TSNARE1: variants seen among roughly 807,000 people sequenced by gnomAD.
TSNARE1 encodes the protein t-SNARE domain-containing protein 1.
In TSNARE1, 49 loss-of-function variants were observed where a neutral mutation model predicts 62.0. That is an observed-to-expected ratio of 0.79 (90% CI 0.63 to 1.00). The LOEUF is 1.00. TSNARE1 is among the 50% of genes least tolerant of loss of function. The pLI is 0.00. For missense variants in TSNARE1, 755 were observed against 700.1 expected, an observed-to-expected ratio of 1.08 and a Z score of -0.88; for synonymous variants, 328 against 294.4, an observed-to-expected ratio of 1.11 and a Z score of -1.17.
In TSNARE1 at chr8:142,315,293, G is replaced by A. The variant is rs560471258; in HGVS notation, c.985-201C>T. On this transcript the variant is annotated intron_variant, in intron 7 of 13. Coordinates refer to ENST00000524325, the MANE Select transcript of TSNARE1 (RefSeq NM_145003.5). ...CAGGGACACCATCACCACAAAATCC[G>A]GTGCAGGGGTCAACACCACCTGCCG... 1.0e-3 allele frequency among the ~76,000 whole-genome samples: 157 copies of A among 151,968 alleles called. 1 individual carries two copies. Among genetic ancestry groups the A allele is most frequent in the Admixed American group, 2.0e-3 (31 of 15,272 alleles).
chr8:142,324,460 G>C (rs1324526253), intron 6 of TSNARE1, among the ~76,000 whole-genome samples: 2 of 152,196 alleles, frequency 1.3e-5, no homozygotes, highest in Non-Finnish European at 2.9e-5. Flanking sequence ...GGCCTGCCTG[G>C]GGGGTGTGTC....
intron 2 of TSNARE1, among the ~76,000 whole-genome samples, chr8:142,350,039 G>A (rs113798639): frequency 1.4e-5 from 2 of 138,130 alleles, no homozygotes; most frequent in African/African-American, 5.5e-5. Context: ...AGGGCGGGCA[G>A]GGCTGGGACC....
intron 1 of TSNARE1, among the ~76,000 whole-genome samples, chr8:142,402,248 G>A (rs2131534866): frequency 6.6e-6 from 1 of 152,256 alleles, no homozygotes; most frequent in South Asian, 2.1e-4. Flanking sequence ...CCCATTTTGA[G>A]CCGCACCACA....
rs140808275 is a variant in TSNARE1, at chr8:142,382,008, C to G, written c.-40+21096G>C. Among the ~76,000 whole-genome samples the G allele has an allele frequency of 7.6e-4, 116 of 152,314 alleles. No individual in the cohort carries two copies. In the South Asian group the frequency reaches 0.012, roughly 16 times the overall value. ...CCTCTGACGGGTACCTGACACCCCC[C>G]CTACACACAGGCCAGATGCTCGGTG... is the stretch of plus-strand genomic sequence containing the variant. On this transcript the variant is annotated intron_variant, in intron 1 of 13. Coordinates refer to ENST00000524325, the MANE Select transcript of TSNARE1 (RefSeq NM_145003.5).
At chr8:142,327,827 G>C (rs566504704) in intron 6 of TSNARE1, among the ~76,000 whole-genome samples, 1 of 152,352 alleles carries the variant, frequency 6.6e-6, no homozygotes, top group East Asian at 1.9e-4. Flanking sequence ...TCCCGGGCCA[G>C]GAAGGAGAGC....
intron 12 of TSNARE1, among the ~76,000 whole-genome samples, chr8:142,269,015 G>A (rs1819292137): frequency 6.6e-6 from 1 of 152,244 alleles, no homozygotes; most frequent in South Asian, 2.1e-4. Flanking sequence ...AATATGTACT[G>A]ACTTGCTTAG....
At chr8:142,248,551 T>G (rs1276273845) in intron 12 of TSNARE1, among the ~76,000 whole-genome samples, 1 of 152,164 alleles carries the variant, frequency 6.6e-6, no homozygotes, top group Non-Finnish European at 1.5e-5. Flanking sequence ...GCTTCCCAAA[T>G]GCTGCCCTGT....
At position 142,223,302 on chromosome 8, in the gene TSNARE1, TCAC is replaced by T. The variant is rs1563757246; in HGVS notation, c.*11+6168_*11+6170del. Among the ~76,000 whole-genome samples, 92 of 20,174 alleles carry T rather than the reference TCAC, an allele frequency of 4.6e-3. 2 individuals carry two copies. Among genetic ancestry groups the T allele is most frequent in the African/African-American group, 0.016 (79 of 4,892 alleles). The allele number at this position is 20,174 out of a possible 152,430, so 13.2% of individuals were successfully genotyped here. A position where few individuals can be genotyped will look rare whatever the true frequency, so the allele number is the denominator to read the frequency against. ...CACTCACTCATACTCACTCAACCAC[TCAC>T]TCATTCACTCACTCATTCACTCACT... On this transcript the variant is annotated intron_variant, in intron 13 of 13. Coordinates refer to ENST00000524325, the MANE Select transcript of TSNARE1 (RefSeq NM_145003.5).
chr8:142,272,820 C>T (rs976071983), intron 12 of TSNARE1: 8 of 983,802 alleles, frequency 8.1e-6, no homozygotes, highest in Non-Finnish European at 8.4e-6. Context: ...GAGGGCCCCT[C>T]GCAGGCGGGA....
chr8:142,246,077 A>T (rs145085549), intron 12 of TSNARE1, among the ~76,000 whole-genome samples: 11 of 152,250 alleles, frequency 7.2e-5, no homozygotes, highest in African/African-American at 2.6e-4. Context: ...GGAGCTAAGG[A>T]CTTCCCAGCA....
chr8:142,296,551 G>A (rs960117606), intron 10 of TSNARE1, among the ~76,000 whole-genome samples: 6 of 151,782 alleles, frequency 4.0e-5, no homozygotes, highest in Non-Finnish European at 5.9e-5. Context: ...AGTCGCTGTG[G>A]AGCCCACTAC....
intron 1 of TSNARE1, among the ~76,000 whole-genome samples, chr8:142,391,617 G>A (rs997290460): frequency 5.9e-5 from 9 of 152,202 alleles, no homozygotes; most frequent in South Asian, 2.1e-4. Flanking sequence ...GCGCCACCAC[G>A]TTCCCCTCAT....
At chr8:142,387,512 T>C (rs540973725) in intron 1 of TSNARE1, among the ~76,000 whole-genome samples, 1 of 151,788 alleles carries the variant, frequency 6.6e-6, no homozygotes, top group Admixed American at 6.6e-5. Context: ...AACAATAAAA[T>C]GGAAACTATT....
intron 12 of TSNARE1, among the ~76,000 whole-genome samples, chr8:142,252,600 G>A (rs910004034): frequency 2.6e-5 from 4 of 152,190 alleles, no homozygotes; most frequent in East Asian, 1.9e-4. Context: ...GAGACAACAC[G>A]ATTTGTCAAA....
At chr8:142,372,232 CGACA>C (rs1245198725) in intron 1 of TSNARE1, among the ~76,000 whole-genome samples, 4 of 152,194 alleles carry the variant, frequency 2.6e-5, no homozygotes, top group Admixed American at 1.3e-4. Context: ...GTCCGCAGCA[CGACA>C]GACAGAGGAT....
chr8:142,279,913 G>A, intron 11 of TSNARE1: 2 of 1,041,992 alleles, frequency 1.9e-6, no homozygotes, highest in South Asian at 5.5e-5. Flanking sequence ...GGCAGAAAAG[G>A]TCTCTGCCAC....
chr8:142,262,120 T>G (rs1290316489), intron 12 of TSNARE1, among the ~76,000 whole-genome samples: 1 of 152,226 alleles, frequency 6.6e-6, no homozygotes, highest in Non-Finnish European at 1.5e-5. Flanking sequence ...CTGCGGCGAC[T>G]CCGTGGTGGG....
chr8:142,395,281 A>T (rs1456228993), intron 1 of TSNARE1, among the ~76,000 whole-genome samples: 4 of 152,070 alleles, frequency 2.6e-5, no homozygotes, highest in African/African-American at 7.2e-5. Context: ...GCCACTTCCC[A>T]AAATCTGCAG....
At chr8:142,255,936 C>T (rs1440630904) in intron 12 of TSNARE1, among the ~76,000 whole-genome samples, 1 of 32,342 alleles carries the variant, frequency 3.1e-5, no homozygotes, top group South Asian at 1.2e-3. Flanking sequence ...TCACCATCAC[C>T]ATCACCACCA....
Sources: gnomAD v4.1 joint callset for allele counts (sites outside exome capture counted in the v4.1 genomes callset) on GRCh38, gnomAD v4.1.1 for gene constraint, MANE v1.5 for transcripts, NCBI Gene and HGNC (gene_info 2026-07-23, HGNC 2026-07-21) for gene names.